The following DPP10 variants were observed in gnomAD, a reference collection of about 807,000 sequenced individuals.
DPP10 encodes the protein inactive dipeptidyl peptidase 10.
In DPP10, 33 loss-of-function variants were observed where a neutral mutation model predicts 120.9. That is an observed-to-expected ratio of 0.27 (90% CI 0.21 to 0.37). DPP10 has a LOEUF of 0.37. Among genes scored for constraint, DPP10 ranks in the 10% least tolerant of loss-of-function variants. DPP10 has a pLI of 1.00. For missense variants in DPP10, 816 were observed against 942.8 expected, an observed-to-expected ratio of 0.87 and a Z score of 1.76; for synonymous variants, 337 against 326.1, an observed-to-expected ratio of 1.03 and a Z score of -0.36.
At chr2:115,658,524 T>A (rs916499687) in intron 5 of DPP10, among the ~76,000 whole-genome samples, 3 of 152,118 alleles carry the variant, frequency 2.0e-5, no homozygotes, top group Non-Finnish European at 4.4e-5. Flanking sequence ...CATAAATTAT[T>A]ACCAATGGTA....
intron 1 of DPP10, among the ~76,000 whole-genome samples, chr2:114,819,616 A>T (rs566406149): frequency 3.9e-5 from 6 of 152,292 alleles, no homozygotes; most frequent in African/African-American, 1.4e-4. Context: ...TGCGTAAAAA[A>T]CCCCAGGCAA....
chr2:115,639,624 CA>C (rs1156994815), intron 5 of DPP10, among the ~76,000 whole-genome samples: 3 of 120,918 alleles, frequency 2.5e-5, no homozygotes, highest in Non-Finnish European at 6.3e-5. Flanking sequence ...AAATGCATTA[CA>C]GGTTTTTTTT....
intron 1 of DPP10, among the ~76,000 whole-genome samples, chr2:114,475,634 A>T (rs1680309649): frequency 6.6e-6 from 1 of 152,188 alleles, no homozygotes; most frequent in South Asian, 2.1e-4. Flanking sequence ...TTTTTTAAAG[A>T]CTGCAGCTCA....
chr2:114,491,175 T>C (rs2104438104), intron 1 of DPP10, among the ~76,000 whole-genome samples: 1 of 152,316 alleles, frequency 6.6e-6, no homozygotes, highest in South Asian at 2.1e-4. Context: ...AAAATTATCT[T>C]TGATTCTACT....
At chr2:115,372,444 T>G (rs1324954120) in intron 3 of DPP10, among the ~76,000 whole-genome samples, 1 of 152,184 alleles carries the variant, frequency 6.6e-6, no homozygotes, top group African/African-American at 2.4e-5. Flanking sequence ...TCTATTTGAT[T>G]TCAATAAGCA....
intron 5 of DPP10, among the ~76,000 whole-genome samples, chr2:115,677,277 A>G (rs1438236155): frequency 6.6e-5 from 10 of 152,206 alleles, no homozygotes; most frequent in Admixed American, 6.5e-4. Flanking sequence ...ACAGATAAAT[A>G]AATGAGAAAT....
intron 1 of DPP10, among the ~76,000 whole-genome samples, chr2:115,008,414 T>C (rs1702016224): frequency 8.1e-6 from 1 of 123,256 alleles, no homozygotes; most frequent in African/African-American, 2.9e-5. Flanking sequence ...TTACACCTTA[T>C]ACAAAAATCA....
At chr2:115,079,163 G>A (rs1372247301) in intron 1 of DPP10, among the ~76,000 whole-genome samples, 2 of 152,092 alleles carry the variant, frequency 1.3e-5, no homozygotes, top group African/African-American at 4.8e-5. Context: ...GGTGGATCGT[G>A]AGGTCAGGAG....
intron 1 of DPP10, among the ~76,000 whole-genome samples, chr2:114,906,532 T>G (rs1693977183): frequency 6.6e-6 from 1 of 152,184 alleles, no homozygotes; most frequent in Non-Finnish European, 1.5e-5. Context: ...TTGAGTAAGT[T>G]CACTAGTTTT....
intron 1 of DPP10, among the ~76,000 whole-genome samples, chr2:115,226,671 T>A (rs571309525): frequency 1.3e-5 from 2 of 152,326 alleles, no homozygotes; most frequent in African/African-American, 4.8e-5. Flanking sequence ...TGTATAACAG[T>A]GTTTAGTAAA....
intron 1 of DPP10, among the ~76,000 whole-genome samples, chr2:114,509,106 A>G (rs935961363): frequency 2.6e-5 from 4 of 152,114 alleles, no homozygotes; most frequent in African/African-American, 9.7e-5. Context: ...CAAGACAGAG[A>G]AGTGAGCTAT....
At chr2:114,504,496 A>G (rs1459567169) in intron 1 of DPP10, among the ~76,000 whole-genome samples, 2 of 151,910 alleles carry the variant, frequency 1.3e-5, no homozygotes, top group African/African-American at 4.8e-5. Context: ...CGTTGTCTCT[A>G]TGCCTGCCTT....
chr2:114,919,013 A>G (rs1166195308), intron 1 of DPP10, among the ~76,000 whole-genome samples: 1 of 143,334 alleles, frequency 7.0e-6, no homozygotes, highest in Non-Finnish European at 1.5e-5. Context: ...TGAAAAAATT[A>G]AAATATATTT....
chr2:114,609,685 A>C (rs1693124525), intron 1 of DPP10, among the ~76,000 whole-genome samples: 1 of 152,214 alleles, frequency 6.6e-6, no homozygotes, highest in African/African-American at 2.4e-5. Flanking sequence ...CAGAGATTCC[A>C]AACTATCGCA....
chr2:115,498,036 A>G (rs1205307682), intron 3 of DPP10, among the ~76,000 whole-genome samples: 2 of 143,122 alleles, frequency 1.4e-5, no homozygotes, highest in African/African-American at 4.9e-5. Flanking sequence ...ATATAGAACT[A>G]TCAGTCCATA....
chr2:115,584,583 A>G (rs1321621519), intron 5 of DPP10, among the ~76,000 whole-genome samples: 1 of 152,234 alleles, frequency 6.6e-6, no homozygotes, highest in African/African-American at 2.4e-5. Context: ...CTCTAGAGCT[A>G]TGCTTTTCTT....
At chr2:115,107,635 T>C (rs920667474) in intron 1 of DPP10, among the ~76,000 whole-genome samples, 7 of 152,000 alleles carry the variant, frequency 4.6e-5, no homozygotes, top group African/African-American at 1.7e-4. Context: ...AAAATCTTTT[T>C]CAATTTACAT....
chr2:114,798,274 G>A (rs1017636871), intron 1 of DPP10, among the ~76,000 whole-genome samples: 2 of 152,266 alleles, frequency 1.3e-5, no homozygotes, highest in African/African-American at 4.8e-5. Flanking sequence ...TAATGGGTCA[G>A]TGTTGGTTCT....
chr2:115,542,784 T>C (rs1266589601), intron 5 of DPP10, among the ~76,000 whole-genome samples: 3 of 151,852 alleles, frequency 2.0e-5, no homozygotes, highest in Non-Finnish European at 4.4e-5. Flanking sequence ...TGTATAACTA[T>C]GGTGATTGTA....
Sources: allele counts gnomAD v4.1 joint callset (sites outside exome capture counted in the v4.1 genomes callset), GRCh38; gene constraint gnomAD v4.1.1; transcripts MANE v1.5; gene names NCBI Gene and HGNC (gene_info 2026-07-23, HGNC 2026-07-21).